SESN1: variants seen among roughly 807,000 people sequenced by gnomAD.
SESN1 encodes sestrin-1.
A neutral mutation model predicts 59.3 loss-of-function variants in SESN1; 30 were observed. The observed-to-expected ratio is 0.51, with a 90% confidence interval of 0.38 to 0.69. SESN1 has a LOEUF of 0.69. Ranked by LOEUF, SESN1 falls within the 30% of genes least tolerant of loss-of-function variation. The pLI, the probability that SESN1 is intolerant of heterozygous loss-of-function variation, is 0.00. For missense variants in SESN1, 566 were observed against 673.0 expected (o/e 0.84, Z 1.76); for synonymous variants, 197 against 219.9 (o/e 0.90, Z 0.92).
intron 1 of SESN1, among the ~76,000 whole-genome samples, chr6:109,076,270 C>G (rs759310330): frequency 2.0e-5 from 3 of 152,206 alleles, no homozygotes; most frequent in African/African-American, 4.8e-5. Flanking sequence ...CCAATGCATA[C>G]TGGCTGAATA....
chr6:108,990,220 G>A (rs1011248517), intron 8 of SESN1, among the ~76,000 whole-genome samples: 1 of 151,972 alleles, frequency 6.6e-6, no homozygotes, highest in Non-Finnish European at 1.5e-5. Context: ...TACGTATTAT[G>A]AGAGCAAGTA....
intron 1 of SESN1, among the ~76,000 whole-genome samples, chr6:109,022,191 T>C (rs545921835): frequency 1.3e-5 from 2 of 152,224 alleles, no homozygotes; most frequent in South Asian, 4.1e-4. Context: ...GACTGAGGAA[T>C]GAAGAATGCC....
intron 1 of SESN1, among the ~76,000 whole-genome samples, chr6:109,070,243 C>T (rs193296305): frequency 1.2e-4 from 19 of 152,328 alleles, no homozygotes; most frequent in African/African-American, 4.3e-4. Flanking sequence ...AGCTGCACCC[C>T]TCTGAGAGAT....
At chr6:108,993,424 A>T (rs1332668240) in intron 6 of SESN1, among the ~76,000 whole-genome samples, 1 of 152,202 alleles carries the variant, frequency 6.6e-6, no homozygotes, top group South Asian at 2.1e-4. Context: ...TTATAGTTTC[A>T]TGTAAGTGTA....
intron 1 of SESN1, among the ~76,000 whole-genome samples, chr6:109,063,215 T>C (rs1780760450): frequency 6.6e-6 from 1 of 151,228 alleles, no homozygotes; most frequent in Non-Finnish European, 1.5e-5. Context: ...CACACCTCTA[T>C]ATTAGATAGA....
chr6:108,997,545 GACAA>G (rs755850918), intron 5 of SESN1, among the ~76,000 whole-genome samples: 2 of 152,186 alleles, frequency 1.3e-5, no homozygotes, highest in Non-Finnish European at 2.9e-5. Flanking sequence ...TTTAGCACCT[GACAA>G]ATGCTAAGTG....
intron 1 of SESN1, among the ~76,000 whole-genome samples, chr6:109,029,902 T>C (rs769392384): frequency 2.6e-5 from 4 of 152,200 alleles, no homozygotes; most frequent in African/African-American, 4.8e-5. Flanking sequence ...AATTACGTTA[T>C]ATTTTGCTGA....
At chr6:108,995,587 C>G (rs554591165) in intron 5 of SESN1, among the ~76,000 whole-genome samples, 7 of 152,306 alleles carry the variant, frequency 4.6e-5, no homozygotes, top group Admixed American at 3.9e-4. Flanking sequence ...TAGATCAAAT[C>G]TATGCAATTT....
At chr6:109,063,586 C>A (rs1240636396) in intron 1 of SESN1, among the ~76,000 whole-genome samples, 1 of 152,170 alleles carries the variant, frequency 6.6e-6, no homozygotes, top group Non-Finnish European at 1.5e-5. Flanking sequence ...ATCCTTGAAT[C>A]CTGAGGTCTT....
intron 1 of SESN1, among the ~76,000 whole-genome samples, chr6:109,064,286 T>C (rs1780779506): frequency 6.6e-6 from 1 of 151,912 alleles, no homozygotes; most frequent in Non-Finnish European, 1.5e-5. Context: ...TAAAGGTTTA[T>C]AGATGACTCC....
intron 5 of SESN1, among the ~76,000 whole-genome samples, chr6:108,995,927 A>G (rs1340429252): frequency 6.6e-6 from 1 of 152,200 alleles, no homozygotes; most frequent in African/African-American, 2.4e-5. Context: ...TTGATCCTTC[A>G]GGTAGCAGCT....
At chr6:109,023,063 A>T (rs1780037118) in intron 1 of SESN1, among the ~76,000 whole-genome samples, 1 of 152,162 alleles carries the variant, frequency 6.6e-6, no homozygotes, top group Non-Finnish European at 1.5e-5. Context: ...GACCACCCAA[A>T]TCAGTAGAAC....
At chr6:109,085,886 G>A (rs1056322117) in intron 1 of SESN1, among the ~76,000 whole-genome samples, 1 of 152,122 alleles carries the variant, frequency 6.6e-6, no homozygotes. Context: ...TGCCCTCCCT[G>A]ACCAGCATCA....
intron 1 of SESN1, among the ~76,000 whole-genome samples, chr6:109,055,433 T>C (rs1583289148): frequency 6.6e-6 from 1 of 151,740 alleles, no homozygotes; most frequent in South Asian, 2.1e-4. Context: ...GGGGCTGAGG[T>C]GGGTGGATCA....
Position 109,046,229 on chromosome 6 carries a change from G to C in SESN1, c.280-43886C>G, listed in dbSNP as rs10428771. On this transcript the variant is annotated intron_variant, in intron 1 of 9. Coordinates refer to ENST00000436639, the MANE Select transcript of SESN1 (RefSeq NM_014454.3). ...CTGCCTCAGCCTGCCGAGTGCCTGCGATTGCAGGCACGCGCCGCCACGCCT... is the reference window on the plus strand; with the variant it reads ...CTGCCTCAGCCTGCCGAGTGCCTGCCATTGCAGGCACGCGCCGCCACGCCT... Among the ~76,000 whole-genome samples the C allele has an allele frequency of 3.3e-3, 478 of 144,402 alleles. 3 individuals carry two copies. Among genetic ancestry groups the C allele is most frequent in the African/African-American group, 0.011 (439 of 40,246 alleles). The allele number at this position is 144,402 out of a possible 152,430, so 94.7% of individuals were successfully genotyped here. A position where few individuals can be genotyped will look rare whatever the true frequency, so the allele number is the denominator to read the frequency against.
intron 1 of SESN1, among the ~76,000 whole-genome samples, chr6:109,064,479 A>G (rs1272770448): frequency 2.0e-5 from 3 of 150,028 alleles, no homozygotes; most frequent in Admixed American, 6.7e-5. Context: ...CTTTAGAACA[A>G]AAGGAAGATC....
At chr6:109,027,120 A>G (rs1330042740) in intron 1 of SESN1, among the ~76,000 whole-genome samples, 2 of 152,094 alleles carry the variant, frequency 1.3e-5, no homozygotes, top group Non-Finnish European at 2.9e-5. Context: ...CAGTGGGCTG[A>G]GATTGCATCA....
intron 1 of SESN1, among the ~76,000 whole-genome samples, chr6:109,012,784 A>C (rs762257493): frequency 1.3e-5 from 2 of 152,166 alleles, no homozygotes; most frequent in African/African-American, 4.8e-5. Flanking sequence ...GGTCTGGAAA[A>C]GAGGGTAAGG....
intron 1 of SESN1, among the ~76,000 whole-genome samples, chr6:109,080,940 G>A: frequency 6.6e-6 from 1 of 151,860 alleles, no homozygotes; most frequent in Non-Finnish European, 1.5e-5. Flanking sequence ...ATTACCTTCA[G>A]ATTATGTGAT....
Sources: allele counts gnomAD v4.1 joint callset (sites outside exome capture counted in the v4.1 genomes callset), GRCh38; gene constraint gnomAD v4.1.1; transcripts MANE v1.5; gene names NCBI Gene and HGNC (gene_info 2026-07-23, HGNC 2026-07-21).